Variants in SHROOM3 observed in about 807,000 individuals in gnomAD.
SHROOM3 encodes the protein protein Shroom3.
SHROOM3 carries 47 observed loss-of-function variants against 138.6 expected under a neutral mutation model. The ratio of observed to expected loss-of-function variants is 0.34; its 90% CI spans 0.27 to 0.43. SHROOM3 has a LOEUF of 0.43. SHROOM3 is among the 20% of genes least tolerant of loss of function. SHROOM3 has a pLI of 1.00. For synonymous variants in SHROOM3, 1,062 were observed against 1,063.3 expected, an observed-to-expected ratio of 1.00 and a Z score of 0.02; for missense variants, 2,491 against 2,596.5, an observed-to-expected ratio of 0.96 and a Z score of 0.88.
intron 2 of SHROOM3, among the ~76,000 whole-genome samples, chr4:76,609,233 T>C (rs183972591): frequency 3.2e-4 from 49 of 152,340 alleles, no homozygotes; most frequent in African/African-American, 1.1e-3. Flanking sequence ...TCAAGTAATC[T>C]TTTTCCAGGC....
At chr4:76,445,676 G>A (rs1730790736) in intron 1 of SHROOM3, among the ~76,000 whole-genome samples, 1 of 152,182 alleles carries the variant, frequency 6.6e-6, no homozygotes, top group South Asian at 2.1e-4. Flanking sequence ...CTTGCAGGCT[G>A]TGGAAAGGAC....
At chr4:76,753,251 T>C (rs1453123832) in intron 6 of SHROOM3, among the ~76,000 whole-genome samples, 1 of 151,980 alleles carries the variant, frequency 6.6e-6, no homozygotes, top group African/African-American at 2.4e-5. Flanking sequence ...TCTGCATCTA[T>C]GTATAATAAA....
chr4:76,581,248 T>C (rs1734048110), intron 2 of SHROOM3, among the ~76,000 whole-genome samples: 1 of 152,196 alleles, frequency 6.6e-6, no homozygotes, highest in Non-Finnish European at 1.5e-5. Flanking sequence ...CCAGTAACAT[T>C]CTTGTGAAGA....
chr4:76,564,962 C>G (rs1204379178), intron 2 of SHROOM3, among the ~76,000 whole-genome samples: 1 of 151,700 alleles, frequency 6.6e-6, no homozygotes, highest in African/African-American at 2.4e-5. Context: ...GAGTTCGAGA[C>G]CAGCCTGGCC....
At chr4:76,487,865 T>A (rs1731764121) in intron 1 of SHROOM3, among the ~76,000 whole-genome samples, 1 of 152,260 alleles carries the variant, frequency 6.6e-6, no homozygotes, top group South Asian at 2.1e-4. Context: ...CTCTCTTAGT[T>A]GCTTGCCATC....
chr4:76,720,558 A>G (rs1720512779), intron 3 of SHROOM3, among the ~76,000 whole-genome samples: 3 of 151,246 alleles, frequency 2.0e-5, no homozygotes, highest in Admixed American at 2.0e-4. Flanking sequence ...TTGTTCAAAT[A>G]TGCATCATCT....
At chr4:76,512,384 C>A (rs555648062) in intron 1 of SHROOM3, among the ~76,000 whole-genome samples, 1 of 152,240 alleles carries the variant, frequency 6.6e-6, no homozygotes, top group East Asian at 1.9e-4. Context: ...AGAGAGGATC[C>A]TCTTCCTTCT....
intron 1 of SHROOM3, among the ~76,000 whole-genome samples, chr4:76,504,010 C>G (rs753816322): frequency 5.3e-5 from 8 of 152,062 alleles, no homozygotes; most frequent in Admixed American, 2.0e-4. Flanking sequence ...ACAAAAACTC[C>G]ATGAACAAAA....
At position 76,740,366 on chromosome 4, in the gene SHROOM3, C is replaced by T. The variant is rs1393111247; in HGVS notation, c.2193C>T (p.Ala731=). 6.2e-7 allele frequency: 1 copy of T among 1,612,958 alleles called. No individual in the cohort carries two copies. Among genetic ancestry groups the T allele is most frequent in the Admixed American group, 1.7e-5 (1 of 60,012 alleles). ...SYPRPEGRTG[A]SASFNSTDPS... is the part of the protein sequence containing the mutation. Reference sequence around the variant, plus strand: ...CGCGGCCCGAGGGGAGGACCGGTGCCTCGGCTTCTTTCAACAGCACAGACC... The same window carrying T: ...CGCGGCCCGAGGGGAGGACCGGTGCTTCGGCTTCTTTCAACAGCACAGACC... Residue 731 remains alanine, a synonymous_variant, in exon 5 of 11, where the codon GCC becomes GCT. Transcript: ENST00000296043. The surrounding 1 kb of genome is among the most constrained non-coding windows in gnomAD (Gnocchi z 4.0).
At position 76,522,846 on chromosome 4, in the gene SHROOM3, A is replaced by G. The variant is rs374268071; in HGVS notation, c.169-32763A>G. Among the ~76,000 whole-genome samples, 113 of 152,344 alleles carry G rather than the reference A, an allele frequency of 7.4e-4. 1 individual carries two copies. The South Asian group carries it at 0.022, about 30-fold the overall frequency. Reference sequence around the variant, plus strand: ...TAAAAAAGAGATTATATATGGCTATAGTAATAGCTATATTAACATATCTTT... The same window carrying G: ...TAAAAAAGAGATTATATATGGCTATGGTAATAGCTATATTAACATATCTTT... On this transcript the variant is annotated intron_variant, in intron 1 of 10. Transcript: ENST00000296043.
intron 2 of SHROOM3, among the ~76,000 whole-genome samples, chr4:76,612,847 G>A (rs949369503): frequency 4.6e-5 from 7 of 152,164 alleles, no homozygotes; most frequent in African/African-American, 1.4e-4. Context: ...GGCAGAGGCA[G>A]AAGGATCACT....
chr4:76,739,402 A>G lies in SHROOM3; in HGVS notation c.1229A>G (p.Lys410Arg), dbSNP rs1284623372. The G allele has an allele frequency of 6.2e-7, 1 of 1,613,612 alleles. No homozygotes were observed. The highest frequency in any genetic ancestry group is 8.5e-7 in the Non-Finnish European group (1 of 1,179,912). Residue 410 changes from lysine to arginine, a missense_variant, in exon 5 of 11, where the codon AAA becomes AGA. By Grantham distance (26) the Lys-to-Arg change is conservative. This residue lies in a region of SHROOM3 where 1,733 missense variants were observed against 1,661.6 expected (regional missense o/e 1.04). Coordinates refer to ENST00000296043, the MANE Select transcript of SHROOM3 (RefSeq NM_020859.4). ...AGCTCCTGGTCTAGCCTTGATCAGA[A>G]ACGGCTCTGCCGGCCTCAGGCAAAC... ...RPSSWSSLDQKRLCRPQANSL... is the reference protein window; with the variant it reads ...RPSSWSSLDQRRLCRPQANSL...
At chr4:76,468,522 A>G (rs540874523) in intron 1 of SHROOM3, among the ~76,000 whole-genome samples, 12 of 151,924 alleles carry the variant, frequency 7.9e-5, no homozygotes, top group Admixed American at 5.9e-4. Flanking sequence ...TATTATTTTT[A>G]TAATAAATGA....
intron 2 of SHROOM3, among the ~76,000 whole-genome samples, chr4:76,701,775 T>C (rs1719907502): frequency 6.6e-6 from 1 of 152,186 alleles, no homozygotes; most frequent in Non-Finnish European, 1.5e-5. Flanking sequence ...CAGCAGTTAT[T>C]GGAGCTCTCA....
rs539711544 is a variant in SHROOM3 at position 76,739,949 on chromosome 4, C to T, written c.1776C>T (p.His592=). 6.2e-4 allele frequency: 995 copies of T among 1,614,174 alleles called. 19 individuals are homozygous for T. The South Asian group carries it at 0.01, about 17-fold the overall frequency. ...ATTCCAATGAGAGAAAGAGCACCCA[C>T]AGTAACAAACCATCTTCTCATCCCC... is the stretch of plus-strand genomic sequence containing the variant. ...SPHSNERKST[H]SNKPSSHPHS... The change falls in exon 5 of 11, where the codon CAC becomes CAT. Residue 592 remains histidine, a synonymous_variant. Transcript: ENST00000296043.
chr4:76,473,053 G>T (rs551500606), intron 1 of SHROOM3, among the ~76,000 whole-genome samples: 2 of 152,132 alleles, frequency 1.3e-5, no homozygotes, highest in Non-Finnish European at 2.9e-5. Context: ...TAATTAGCTT[G>T]ATTTAGCCAT....
At chr4:76,639,297 C>G (rs1735593097) in intron 2 of SHROOM3, among the ~76,000 whole-genome samples, 1 of 152,230 alleles carries the variant, frequency 6.6e-6, no homozygotes, top group Non-Finnish European at 1.5e-5. Context: ...AAAAGCCACC[C>G]TGAAATGAAT....
intron 2 of SHROOM3, among the ~76,000 whole-genome samples, chr4:76,572,723 A>G (rs983257209): frequency 6.6e-6 from 1 of 152,086 alleles, no homozygotes; most frequent in Non-Finnish European, 1.5e-5. Flanking sequence ...TTGCCCCTTT[A>G]TGGTTTGTGG....
chr4:76,453,543 C>A (rs188075272), intron 1 of SHROOM3, among the ~76,000 whole-genome samples: 1 of 152,080 alleles, frequency 6.6e-6, no homozygotes, highest in East Asian at 1.9e-4. Flanking sequence ...CTGGGATGAG[C>A]CACTGTGCCC....
Sources: gnomAD v4.1 joint callset for allele counts (sites outside exome capture counted in the v4.1 genomes callset) on GRCh38, gnomAD v4.1.1 for gene constraint, gnomAD v4.1.1 regional missense constraint, Gnocchi (gnomAD v3.1) non-coding constraint, MANE v1.5 for transcripts, NCBI Gene and HGNC (gene_info 2026-07-23, HGNC 2026-07-21) for gene names.